Variants in SEL1L3 observed in about 807,000 individuals in gnomAD.
The protein encoded by SEL1L3 is protein sel-1 homolog 3.
In SEL1L3, 76 loss-of-function variants were observed where a neutral mutation model predicts 142.8. That is an observed-to-expected ratio of 0.53 (90% CI 0.44 to 0.64). The LOEUF is 0.64. Ranked by LOEUF, SEL1L3 falls within the 30% of genes least tolerant of loss-of-function variation. SEL1L3 has a pLI of 0.00. For synonymous variants in SEL1L3, 504 were observed against 519.6 expected, an observed-to-expected ratio of 0.97 and a Z score of 0.41; for missense variants, 1,262 against 1,381.7, an observed-to-expected ratio of 0.91 and a Z score of 1.37.
intron 1 of SEL1L3, among the ~76,000 whole-genome samples, chr4:25,851,406 A>C (rs1404739536): frequency 6.6e-6 from 1 of 152,130 alleles, no homozygotes; most frequent in Non-Finnish European, 1.5e-5. Flanking sequence ...CTCACACCAC[A>C]CACACACATA....
chr4:25,788,348 A>G lies in SEL1L3; in HGVS notation c.2093T>C (p.Met698Thr). 1 of 1,613,922 alleles carries G rather than the reference A, an allele frequency of 6.2e-7. No homozygotes were observed. Among genetic ancestry groups the G allele is most frequent in the Non-Finnish European group, 8.5e-7 (1 of 1,179,848 alleles). Residue 698 changes from methionine to threonine, a missense_variant, in exon 13 of 24, where the codon ATG becomes ACG. Coordinates refer to ENST00000399878, the MANE Select transcript of SEL1L3 (RefSeq NM_015187.5). The surrounding 1 kb of genome is among the most constrained non-coding windows in gnomAD (Gnocchi z 5.3). Reference protein sequence around the residue: ...NAAAQQRLAQMLFWGQQGVAK... With the variant: ...NAAAQQRLAQTLFWGQQGVAK... ...CACACCTTGCTGCCCCCAGAACAGC[A>G]TCTGGGCCAATCGTTGCTTAAAGAT...
the SEL1L3 span, among the ~76,000 whole-genome samples, chr4:25,736,213 T>TTGTGTGTGTGTGTGTGTGTGTGTGTG: frequency 6.0e-3 from 779 of 130,606 alleles, 26 homozygotes; most frequent in East Asian, 0.012. Context: ...TGCCATAAGA[T>TTGTGTGTGTGTGTGTGTGTGTGTGTG]TGTGTGTCTG....
intron 23 of SEL1L3, among the ~76,000 whole-genome samples, chr4:25,751,251 G>A (rs1717569836): frequency 6.6e-6 from 1 of 152,310 alleles, no homozygotes. Context: ...GACAAGGAGA[G>A]TGCTTTTGAG....
chr4:25,757,666 G>A (rs375700735), intron 22 of SEL1L3, 22 bp downstream of exon 22: 12 of 1,569,764 alleles, frequency 7.6e-6, no homozygotes, highest in Non-Finnish European at 1.0e-5. Flanking sequence ...CAAGGGTGGG[G>A]CCGGTGGGAC....
intron 1 of SEL1L3, chr4:25,862,257 G>A (rs1043172264): frequency 1.3e-5 from 2 of 152,556 alleles, no homozygotes. Flanking sequence ...AGTTGGGCAC[G>A]GGAAGGAAAG....
At chr4:25,811,941 C>T (rs937059748) in intron 9 of SEL1L3, among the ~76,000 whole-genome samples, 4 of 152,086 alleles carry the variant, frequency 2.6e-5, no homozygotes, top group Admixed American at 2.0e-4. Flanking sequence ...CATATGGACC[C>T]GGAGGATAGG....
intron 9 of SEL1L3, among the ~76,000 whole-genome samples, chr4:25,816,016 C>T (rs1054446130): frequency 2.7e-5 from 4 of 149,518 alleles, no homozygotes; most frequent in Non-Finnish European, 5.9e-5. Flanking sequence ...GTAGGGCTTA[C>T]CATGTGCTGA....
chr4:25,850,914 A>G (rs919549223), intron 1 of SEL1L3, among the ~76,000 whole-genome samples: 5 of 151,456 alleles, frequency 3.3e-5, no homozygotes, highest in African/African-American at 9.7e-5. Context: ...GCAGTGACGC[A>G]ATCTCGGCTC....
intron 11 of SEL1L3, among the ~76,000 whole-genome samples, chr4:25,795,792 G>T (rs1296039477): frequency 6.6e-6 from 1 of 152,166 alleles, no homozygotes; most frequent in African/African-American, 2.4e-5. Context: ...GAGGCCTTCT[G>T]TGAAAGCAGA....
At chr4:25,831,505 A>C (rs990595691) in intron 5 of SEL1L3, among the ~76,000 whole-genome samples, 1 of 93,676 alleles carries the variant, frequency 1.1e-5, no homozygotes, top group Non-Finnish European at 2.1e-5. Context: ...AATAATAATA[A>C]TAATAATTAT....
the SEL1L3 span, among the ~76,000 whole-genome samples, chr4:25,735,259 G>A: frequency 6.6e-6 from 1 of 151,302 alleles, no homozygotes; most frequent in African/African-American, 2.4e-5. Flanking sequence ...TGCCCAGGTT[G>A]TTCCTGGACT....
At chr4:25,855,743 A>G (rs1273684537) in intron 1 of SEL1L3, among the ~76,000 whole-genome samples, 1 of 152,144 alleles carries the variant, frequency 6.6e-6, no homozygotes, top group Non-Finnish European at 1.5e-5. Flanking sequence ...CCTGGACAAC[A>G]GAGCGAGATT....
At chr4:25,722,639 T>TTTTTTTTTTTTTTG in the SEL1L3 span, among the ~76,000 whole-genome samples, 1 of 150,192 alleles carries the variant, frequency 6.7e-6, no homozygotes, top group African/African-American at 2.5e-5. Context: ...TTTTTTTTTT[T>TTTTTTTTTTTTTTG]AGAGATAGGG....
At chr4:25,859,603 C>G (rs930102625) in intron 1 of SEL1L3, among the ~76,000 whole-genome samples, 3 of 152,176 alleles carry the variant, frequency 2.0e-5, no homozygotes, top group Non-Finnish European at 4.4e-5. Context: ...CCCTTGTGAA[C>G]AGGCAAATAG....
rs200036350 is a variant in SEL1L3, at chr4:25,796,315, T to A, written c.1957-5741A>T. Among the ~76,000 whole-genome samples, 19 of 152,166 alleles carry A rather than the reference T, an allele frequency of 1.2e-4. No individual in the cohort carries two copies. The East Asian group carries it at 3.5e-3, about 28-fold the overall frequency. On this transcript the variant is annotated intron_variant, in intron 11 of 23. Transcript: ENST00000399878. ...CATCAACTTCAGGAAAGCTGAAGGC[T>A]GGGGCGCAGTGGCTCACGCCTGTAA...
At position 25,847,768 on chromosome 4, in the gene SEL1L3, T is replaced by C. The variant is rs1388199850; in HGVS notation, c.259A>G (p.Thr87Ala). 2 of 1,613,636 alleles carry C rather than the reference T, an allele frequency of 1.2e-6. No individual in the cohort carries two copies. The highest frequency in any genetic ancestry group is 2.2e-5 in the East Asian group (1 of 44,876). Reference sequence around the variant, plus strand: ...TTGCGAACGTTTCCTTCAAAGACAGTAAAATAAATAAAGTCTTTGTAAGCC... The same window carrying C: ...TTGCGAACGTTTCCTTCAAAGACAGCAAAATAAATAAAGTCTTTGTAAGCC... Reference protein sequence around the residue: ...SVAYKDFIYFTVFEGNVRNVS... With the variant: ...SVAYKDFIYFAVFEGNVRNVS... The change falls in exon 2 of 24, where the codon ACT becomes GCT. Residue 87 changes from threonine to alanine, a missense_variant. Physicochemically the swap from Thr to Ala is moderately conservative, Grantham distance 58 (BLOSUM62 0). Around this residue, in one of 3 missense-constraint regions of SEL1L3, gnomAD observed 689 missense variants for 692.8 expected, o/e 0.99. Coordinates refer to ENST00000399878, the MANE Select transcript of SEL1L3 (RefSeq NM_015187.5).
In SEL1L3 at chr4:25,802,727, G is replaced by T. The variant is rs1253090629; in HGVS notation, c.1777-265C>A. Among the ~76,000 whole-genome samples the T allele has an allele frequency of 2.6e-5, 4 of 152,060 alleles. 1 individual carries two copies. The South Asian group carries it at 8.3e-4, about 32-fold the overall frequency. On this transcript the variant is annotated intron_variant, in intron 10 of 23. Coordinates refer to ENST00000399878, the MANE Select transcript of SEL1L3 (RefSeq NM_015187.5). ...CTCCGGAGTAGCTGGGACTACAGGC[G>T]TGCACCACAATGCCCAGCTAATTTT...
chr4:25,821,912 TTTTA>T (rs1714784293), intron 7 of SEL1L3, 80 bp downstream of exon 7: 1 of 1,435,340 alleles, frequency 7.0e-7, no homozygotes, highest in African/African-American at 1.4e-5. Flanking sequence ...TTGGGTAAAC[TTTTA>T]TTTACACTGG....
intron 17 of SEL1L3, 92 bp from the exon 18 acceptor site, chr4:25,767,922 T>TA: frequency 2.6e-6 from 2 of 782,826 alleles, no homozygotes; most frequent in Non-Finnish European, 4.1e-6. Flanking sequence ...GGGCACAAAA[T>TA]AAGCAGTTTT....
Sources: allele counts gnomAD v4.1 joint callset (sites outside exome capture counted in the v4.1 genomes callset), GRCh38; gene constraint gnomAD v4.1.1; regional missense constraint gnomAD v4.1.1; non-coding constraint Gnocchi (gnomAD v3.1); transcripts MANE v1.5; gene names NCBI Gene and HGNC (gene_info 2026-07-23, HGNC 2026-07-21).